Variants in PRELID2 observed in about 807,000 individuals in gnomAD.
PRELID2 encodes PRELI domain containing 2.
In PRELID2, 25 loss-of-function variants were observed where a neutral mutation model predicts 28.4. The ratio of observed to expected loss-of-function variants is 0.88; its 90% CI spans 0.64 to 1.23. The LOEUF is 1.23. Among genes scored for constraint, PRELID2 ranks in the 50% most tolerant of loss-of-function variants. PRELID2 has a pLI of 0.00. For synonymous variants in PRELID2, 76 were observed against 71.6 expected (o/e 1.06, Z -0.31); for missense variants, 201 against 214.4 (o/e 0.94, Z 0.39).
chr5:145,535,108 A>T (rs1752687933), intron 1 of PRELID2, among the ~76,000 whole-genome samples: 1 of 151,930 alleles, frequency 6.6e-6, no homozygotes, highest in Admixed American at 6.6e-5. Flanking sequence ...TAATACAGAC[A>T]TATGTGCCTT....
At chr5:145,715,393 C>T (rs1755814873) in intron 1 of PRELID2, among the ~76,000 whole-genome samples, 1 of 152,146 alleles carries the variant, frequency 6.6e-6, no homozygotes, top group South Asian at 2.1e-4. Flanking sequence ...GCTGCCATCG[C>T]CTCTTGCCTA....
chr5:145,329,634 T>C, the PRELID2 span, among the ~76,000 whole-genome samples: 1 of 152,208 alleles, frequency 6.6e-6, no homozygotes, highest in Non-Finnish European at 1.5e-5. Context: ...TGATTTTGTA[T>C]CCTGAGACTA....
chr5:145,728,080 C>T (rs1160772012), intron 1 of PRELID2, among the ~76,000 whole-genome samples: 1 of 152,116 alleles, frequency 6.6e-6, no homozygotes, highest in African/African-American at 2.4e-5. Context: ...TCTGTCCCTG[C>T]AAATCTCTGC....
the PRELID2 span, among the ~76,000 whole-genome samples, chr5:145,360,263 C>T: frequency 1.3e-5 from 2 of 152,266 alleles, no homozygotes; most frequent in Non-Finnish European, 2.9e-5. Context: ...GGGCATCCCC[C>T]AAAGAGTGGC....
At chr5:145,735,804 G>A (rs1454302759) in intron 1 of PRELID2, among the ~76,000 whole-genome samples, 1 of 152,152 alleles carries the variant, frequency 6.6e-6, no homozygotes, top group East Asian at 1.9e-4. Flanking sequence ...ATGTGGAAGT[G>A]CTTAATCAAC....
At chr5:145,585,594 G>T (rs1352096036) in intron 1 of PRELID2, among the ~76,000 whole-genome samples, 1 of 152,038 alleles carries the variant, frequency 6.6e-6, no homozygotes, top group East Asian at 1.9e-4. Context: ...ACCTCACAGG[G>T]TTATTTTGAT....
intron 1 of PRELID2, among the ~76,000 whole-genome samples, chr5:145,704,771 G>A (rs1014394426): frequency 6.6e-6 from 1 of 152,138 alleles, no homozygotes; most frequent in Non-Finnish European, 1.5e-5. Flanking sequence ...TTTAGAATTG[G>A]GCCCGAAAGG....
chr5:145,397,397 C>T, the PRELID2 span, among the ~76,000 whole-genome samples: 2 of 152,086 alleles, frequency 1.3e-5, no homozygotes, highest in African/African-American at 2.4e-5. Context: ...GAATGGTTAT[C>T]ATATTGTCCA....
intron 1 of PRELID2, among the ~76,000 whole-genome samples, chr5:145,707,925 C>T (rs1055284687): frequency 2.6e-5 from 4 of 152,180 alleles, no homozygotes; most frequent in Non-Finnish European, 4.4e-5. Flanking sequence ...GCCCCCACCC[C>T]ACACAATCTT....
At chr5:145,741,921 CAAATAAATTTATTATAAAT>C (rs1407482684) in intron 1 of PRELID2, among the ~76,000 whole-genome samples, 1 of 101,278 alleles carries the variant, frequency 9.9e-6, no homozygotes, top group Non-Finnish European at 1.8e-5. Context: ...TATAAATAAA[CAAATAAATTTATTATAAAT>C]AAATAAATTT....
At chr5:145,817,800 T>C (rs534727739) in intron 4 of PRELID2, 94 bp downstream of exon 4, 16 of 1,011,526 alleles carry the variant, frequency 1.6e-5, no homozygotes, top group Non-Finnish European at 2.0e-5. Flanking sequence ...TTATAAACAG[T>C]GGTCATAAGT....
the PRELID2 span, among the ~76,000 whole-genome samples, chr5:145,456,349 G>A: frequency 7.6e-4 from 115 of 152,250 alleles, no homozygotes; most frequent in African/African-American, 2.6e-3. Context: ...GTGTAGCGAC[G>A]CCTATAGTCT....
the PRELID2 span, among the ~76,000 whole-genome samples, chr5:145,280,190 C>A: frequency 1.3e-5 from 2 of 152,064 alleles, no homozygotes; most frequent in African/African-American, 4.8e-5. Flanking sequence ...CCGGCCCCCT[C>A]CCTATGTCAC....
chr5:145,395,256 A>G, the PRELID2 span, among the ~76,000 whole-genome samples: 2 of 152,184 alleles, frequency 1.3e-5, no homozygotes, highest in African/African-American at 4.8e-5. Flanking sequence ...CTGACTGCCA[A>G]CTGACTTCGG....
the PRELID2 span, among the ~76,000 whole-genome samples, chr5:145,255,753 C>T: frequency 1.3e-5 from 2 of 151,968 alleles, no homozygotes; most frequent in Non-Finnish European, 2.9e-5. Context: ...TGCACTCCAG[C>T]CTGGATGACA....
chr5:145,254,175 G>A, the PRELID2 span, among the ~76,000 whole-genome samples: 1 of 152,050 alleles, frequency 6.6e-6, no homozygotes, highest in African/African-American at 2.4e-5. Context: ...GAATAATGAG[G>A]ATTGACTATA....
chr5:145,574,150 C>T (rs1210232773), intron 1 of PRELID2, among the ~76,000 whole-genome samples: 1 of 152,144 alleles, frequency 6.6e-6, no homozygotes, highest in African/African-American at 2.4e-5. Context: ...AGAAAGATTG[C>T]TGCTCTTGGG....
intron 1 of PRELID2, among the ~76,000 whole-genome samples, chr5:145,711,144 A>G (rs1755683401): frequency 6.6e-6 from 1 of 152,138 alleles, no homozygotes; most frequent in African/African-American, 2.4e-5. Flanking sequence ...TTTTCCAACT[A>G]CCAGTACACA....
At chr5:145,374,365 G>A in the PRELID2 span, among the ~76,000 whole-genome samples, 2 of 152,034 alleles carry the variant, frequency 1.3e-5, no homozygotes, top group African/African-American at 4.8e-5. Flanking sequence ...TAGTCTGATG[G>A]GTTTCCCTTT....
Sources: allele counts gnomAD v4.1 joint callset (sites outside exome capture counted in the v4.1 genomes callset), GRCh38; gene constraint gnomAD v4.1.1; transcripts MANE v1.5; gene names NCBI Gene and HGNC (gene_info 2026-07-23, HGNC 2026-07-21).